The following AQR variants were observed in gnomAD, a reference collection of about 807,000 sequenced individuals.
AQR encodes RNA helicase aquarius.
AQR carries 61 observed loss-of-function variants against 180.5 expected under a neutral mutation model. That is an observed-to-expected ratio of 0.34 (90% CI 0.28 to 0.42). AQR has a LOEUF of 0.42. Ranked by LOEUF, AQR falls within the 10% of genes least tolerant of loss-of-function variation. The probability of loss-of-function intolerance (pLI) is 1.00; values close to 1 mark genes in which losing one functional copy is unlikely to be tolerated. For missense variants in AQR, 1,281 were observed against 1,798.3 expected (o/e 0.71, Z 5.20); for synonymous variants, 551 against 588.8 (o/e 0.94, Z 0.93).
At chr15:34,917,851 G>A (rs1445478861) in intron 15 of AQR, among the ~76,000 whole-genome samples, 1 of 151,482 alleles carries the variant, frequency 6.6e-6, no homozygotes, top group African/African-American at 2.4e-5. Flanking sequence ...GGGTGTGGTG[G>A]TGCACGCCTG....
chr15:34,911,217 A>G (rs1266156032), intron 16 of AQR, among the ~76,000 whole-genome samples: 1 of 152,180 alleles, frequency 6.6e-6, no homozygotes, highest in Non-Finnish European at 1.5e-5. Context: ...TTGTTTCCAC[A>G]TCTTGGTTAT....
intron 3 of AQR, among the ~76,000 whole-genome samples, chr15:34,955,645 C>T (rs1294172530): frequency 2.0e-5 from 3 of 152,188 alleles, no homozygotes; most frequent in Non-Finnish European, 2.9e-5. Context: ...CAGTGGCTCA[C>T]GTCTGTAATC....
chr15:34,885,419 C>T (rs1014194801), intron 25 of AQR, among the ~76,000 whole-genome samples: 5 of 152,080 alleles, frequency 3.3e-5, no homozygotes, highest in Admixed American at 1.3e-4. Context: ...ATCTGAGGAG[C>T]TAAATAAAAA....
chr15:34,937,405 T>C (rs900492993), intron 9 of AQR, among the ~76,000 whole-genome samples: 3 of 152,242 alleles, frequency 2.0e-5, no homozygotes, highest in African/African-American at 7.2e-5. Flanking sequence ...TTGGTATCAA[T>C]TCCTCACTGA....
At chr15:34,876,127 A>G (rs1487131913) in intron 27 of AQR, 121 bp from the exon 28 acceptor site, 1 of 710,288 alleles carries the variant, frequency 1.4e-6, no homozygotes, top group Middle Eastern at 4.1e-4. Context: ...AATTATTCAG[A>G]CAGATAAAAA....
rs562832323 is a variant in AQR at position 34,923,087 on chromosome 15, T to C, written c.1119-2653A>G. 3.3e-5 allele frequency among the ~76,000 whole-genome samples: 5 copies of C among 152,304 alleles called. No homozygotes were observed. In the South Asian group the frequency reaches 1.0e-3, roughly 32 times the overall value. The stretch of plus-strand genomic sequence containing the variant: ...TAGTTAAGTATAGTAGAATAAGATA[T>C]CTTGAGAGAGAGACCACATTCGCAT... On this transcript the variant is annotated intron_variant, in intron 13 of 34. Transcript: ENST00000156471.
At chr15:34,949,605 C>CAAAAAAA (rs538711417) in intron 4 of AQR, among the ~76,000 whole-genome samples, 15 of 49,646 alleles carry the variant, frequency 3.0e-4, no homozygotes, top group African/African-American at 8.4e-4. Flanking sequence ...GACTCCGTCA[C>CAAAAAAA]AAAAAAAAAA....
At position 34,854,022 on chromosome 15, in the gene AQR, C is replaced by T. The variant is rs939388818; in HGVS notation, c.*2770G>A. The T allele has an allele frequency of 2.0e-5, 3 of 152,064 alleles. No individual in the cohort carries two copies. The highest frequency in any genetic ancestry group is 2.0e-4 in the Admixed American group (3 of 15,282). 9.4% of individuals were successfully genotyped at this position (152,064 alleles called of 1,614,324 possible). ...TTATGCCTTTTCTCTCAGCATCTAGCAAAACATCTCAACTTTTATTACACC... is the reference window on the plus strand; with the variant it reads ...TTATGCCTTTTCTCTCAGCATCTAGTAAAACATCTCAACTTTTATTACACC... On this transcript the variant is annotated 3_prime_UTR_variant, in exon 35 of 35. Transcript: ENST00000156471.
In AQR at chr15:34,944,532, T is replaced by C. The variant is rs1443015467; in HGVS notation, c.331-104A>G. 1.1e-5 allele frequency: 13 copies of C among 1,160,822 alleles called. No homozygotes were observed. In the East Asian group the frequency reaches 3.4e-4, roughly 30 times the overall value. The allele number at this position is 1,160,822 out of a possible 1,614,324, so 71.9% of individuals were successfully genotyped here. On this transcript the variant is annotated intron_variant, in intron 5 of 34. Coordinates refer to ENST00000156471, the MANE Select transcript of AQR (RefSeq NM_014691.3). ...GCAGTCTATTAAAAAAACCAAATAA[T>C]TACAAAAGGGTTATTTGTATATGTA...
At chr15:34,875,353 A>G (rs577211116) in intron 28 of AQR, among the ~76,000 whole-genome samples, 11 of 152,330 alleles carry the variant, frequency 7.2e-5, no homozygotes, top group South Asian at 4.1e-4. Flanking sequence ...TCCTTGAAAC[A>G]TATCCTGATA....
intron 30 of AQR, among the ~76,000 whole-genome samples, chr15:34,872,164 A>C (rs1180719057): frequency 6.6e-6 from 1 of 152,130 alleles, no homozygotes; most frequent in Non-Finnish European, 1.5e-5. Context: ...AACAACATGA[A>C]CTGTATTGTG....
chr15:34,863,903 C>T (rs1013422093), intron 32 of AQR, among the ~76,000 whole-genome samples: 6 of 151,922 alleles, frequency 3.9e-5, no homozygotes, highest in Admixed American at 6.6e-5. Flanking sequence ...GATTTTTTAC[C>T]TGAGATGTTT....
At chr15:34,911,928 C>T (rs543177336) in intron 16 of AQR, among the ~76,000 whole-genome samples, 56 of 146,554 alleles carry the variant, frequency 3.8e-4, no homozygotes, top group Non-Finnish European at 1.7e-4. Flanking sequence ...TCAGGTCTTA[C>T]GTTAAAATCT....
intron 31 of AQR, chr15:34,869,233 G>C (rs1304533985): frequency 6.6e-6 from 1 of 152,012 alleles, no homozygotes; most frequent in Non-Finnish European, 1.5e-5. Context: ...TATCATTGTA[G>C]CTTTAATTTC....
chr15:34,894,002 T>C (rs900817002), intron 22 of AQR, among the ~76,000 whole-genome samples: 1 of 152,092 alleles, frequency 6.6e-6, no homozygotes, highest in Non-Finnish European at 1.5e-5. Context: ...CTCATGAATC[T>C]ATAGAACATT....
rs1410758083 is a variant in AQR at position 34,904,523 on chromosome 15, G to C, written c.1832-18C>G. ...TTCAGGTCCTGGACAATTTGAAAAA[G>C]TTTGTTAAATAAAATATGTATTTTT... On this transcript the variant is annotated intron_variant, in intron 18 of 34. Transcript: ENST00000156471. 1.3e-6 allele frequency: 2 copies of C among 1,579,546 alleles called. No homozygotes were observed. The highest frequency in any genetic ancestry group is 3.9e-5 in the Admixed American group (2 of 50,794).
chr15:34,957,878 G>A (rs184339243), intron 3 of AQR, among the ~76,000 whole-genome samples: 64 of 152,156 alleles, frequency 4.2e-4, no homozygotes, highest in Admixed American at 7.2e-4. Flanking sequence ...ATAAATCTTA[G>A]CCATGCCAAA....
intron 33 of AQR, among the ~76,000 whole-genome samples, chr15:34,860,881 G>C (rs550372527): frequency 1.3e-5 from 2 of 152,258 alleles, no homozygotes; most frequent in East Asian, 3.9e-4. Flanking sequence ...CAGAAGGTCT[G>C]GGTGGAATGA....
At chr15:34,968,209 T>C (rs547102402) in intron 1 of AQR, among the ~76,000 whole-genome samples, 24 of 151,662 alleles carry the variant, frequency 1.6e-4, no homozygotes, top group African/African-American at 5.6e-4. Flanking sequence ...GCCAACATAG[T>C]GAGACCCTAT....
Sources: gnomAD v4.1 joint callset for allele counts (sites outside exome capture counted in the v4.1 genomes callset) on GRCh38, gnomAD v4.1.1 for gene constraint, MANE v1.5 for transcripts, NCBI Gene and HGNC (gene_info 2026-07-23, HGNC 2026-07-21) for gene names.